ROBO2: variants seen among roughly 807,000 people sequenced by gnomAD.
ROBO2 encodes roundabout guidance receptor 2.
Under a neutral mutation model 160.8 loss-of-function variants are expected in ROBO2, and 53 were observed. The ratio of observed to expected loss-of-function variants is 0.33; its 90% CI spans 0.26 to 0.41. The LOEUF (loss-of-function observed/expected upper bound fraction) is 0.41. Ranked by LOEUF, ROBO2 falls within the 10% of genes least tolerant of loss-of-function variation. The pLI, the probability that ROBO2 is intolerant of heterozygous loss-of-function variation, is 1.00. For synonymous variants in ROBO2, 664 were observed against 611.7 expected (o/e 1.09, Z -1.26); for missense variants, 1,577 against 1,722.4 (o/e 0.92, Z 1.49).
intron 2 of ROBO2, among the ~76,000 whole-genome samples, chr3:76,449,694 A>G (rs2077378063): frequency 1.3e-5 from 2 of 152,138 alleles, no homozygotes; most frequent in African/African-American, 4.8e-5. Context: ...CTATGATATA[A>G]TCTTTAGACT....
intron 2 of ROBO2, among the ~76,000 whole-genome samples, chr3:77,450,754 G>A (rs2081032156): frequency 6.6e-6 from 1 of 152,156 alleles, no homozygotes. Flanking sequence ...TTCATAAGTC[G>A]AGGCAAGTTA....
At chr3:76,818,710 G>T (rs2065887959) in intron 2 of ROBO2, among the ~76,000 whole-genome samples, 1 of 152,040 alleles carries the variant, frequency 6.6e-6, no homozygotes, top group African/African-American at 2.4e-5. Flanking sequence ...TTGTTGAATA[G>T]GGTGTCCTTT....
At chr3:76,806,230 T>C (rs1189689047) in intron 2 of ROBO2, among the ~76,000 whole-genome samples, 1 of 151,590 alleles carries the variant, frequency 6.6e-6, no homozygotes, top group Non-Finnish European at 1.5e-5. Flanking sequence ...TGTGTGTGTG[T>C]GTGTGTGTGT....
intron 2 of ROBO2, among the ~76,000 whole-genome samples, chr3:77,199,534 T>A (rs956198505): frequency 2.0e-5 from 3 of 152,130 alleles, no homozygotes; most frequent in African/African-American, 7.2e-5. Context: ...CCAAAATGGT[T>A]GATGTCTTGT....
chr3:76,407,933 A>ATT (rs143970275), intron 2 of ROBO2, among the ~76,000 whole-genome samples: 16 of 150,962 alleles, frequency 1.1e-4, no homozygotes, highest in South Asian at 4.2e-4. Flanking sequence ...TTCTTTTGTG[A>ATT]TTTTTTTTTG....
At chr3:76,523,603 C>T (rs1434507632) in intron 2 of ROBO2, among the ~76,000 whole-genome samples, 1 of 152,076 alleles carries the variant, frequency 6.6e-6, no homozygotes, top group East Asian at 1.9e-4. Flanking sequence ...TTTTCACTCT[C>T]CAACACACCA....
chr3:76,425,284 A>G (rs2076166518), intron 2 of ROBO2, among the ~76,000 whole-genome samples: 1 of 152,048 alleles, frequency 6.6e-6, no homozygotes. Flanking sequence ...CTTAAAATAT[A>G]GGAGTGTATA....
intron 2 of ROBO2, among the ~76,000 whole-genome samples, chr3:76,388,922 AAACTTT>A (rs570831524): frequency 9.0e-4 from 137 of 152,282 alleles, no homozygotes; most frequent in African/African-American, 3.2e-3. Context: ...TTTCAATCTA[AAACTTT>A]AACTTTCTGT....
intron 2 of ROBO2, among the ~76,000 whole-genome samples, chr3:77,267,417 T>C (rs961980019): frequency 5.9e-5 from 9 of 152,294 alleles, no homozygotes; most frequent in African/African-American, 1.9e-4. Context: ...AAATGTTTCA[T>C]ATTCCCAGGT....
At chr3:75,959,312 A>T (rs1948826087) in intron 2 of ROBO2, among the ~76,000 whole-genome samples, 1 of 151,668 alleles carries the variant, frequency 6.6e-6, no homozygotes, top group South Asian at 2.1e-4. Flanking sequence ...ATTTTCACTG[A>T]ATTATTTAAT....
chr3:76,949,043 G>T (rs115616518), intron 2 of ROBO2, among the ~76,000 whole-genome samples: 2 of 149,198 alleles, frequency 1.3e-5, no homozygotes, highest in African/African-American at 2.5e-5. Context: ...GAGCCACCAC[G>T]CCTGGCCATA....
At chr3:77,263,593 T>A (rs1269870653) in intron 2 of ROBO2, among the ~76,000 whole-genome samples, 17 of 152,258 alleles carry the variant, frequency 1.1e-4, no homozygotes, top group Non-Finnish European at 2.5e-4. Context: ...TCGCGTTCTT[T>A]TATGGCTGCA....
At chr3:76,281,856 A>G (rs185751983) in intron 2 of ROBO2, among the ~76,000 whole-genome samples, 22 of 152,080 alleles carry the variant, frequency 1.4e-4, no homozygotes, top group African/African-American at 5.3e-4. Context: ...AGCACAAGGA[A>G]TTGTTTCTTA....
intron 2 of ROBO2, among the ~76,000 whole-genome samples, chr3:76,629,042 G>C (rs2089857434): frequency 6.6e-6 from 1 of 152,148 alleles, no homozygotes; most frequent in African/African-American, 2.4e-5. Context: ...CAATTGCACT[G>C]ACTGTGCCAT....
At chr3:76,110,200 T>A (rs1206521073) in intron 2 of ROBO2, among the ~76,000 whole-genome samples, 1 of 152,052 alleles carries the variant, frequency 6.6e-6, no homozygotes, top group Non-Finnish European at 1.5e-5. Flanking sequence ...CACAACACTT[T>A]GATCATAGTA....
intron 2 of ROBO2, among the ~76,000 whole-genome samples, chr3:76,288,276 G>C (rs956982269): frequency 1.3e-5 from 2 of 152,012 alleles, no homozygotes; most frequent in African/African-American, 4.8e-5. Context: ...ATTATTCTTA[G>C]GTTATTCTTG....
intron 2 of ROBO2, among the ~76,000 whole-genome samples, chr3:76,921,078 G>A (rs2076627766): frequency 6.6e-6 from 1 of 152,290 alleles, no homozygotes; most frequent in South Asian, 2.1e-4. Flanking sequence ...TTTTTAGTGA[G>A]TCCTTTCAAG....
intron 2 of ROBO2, among the ~76,000 whole-genome samples, chr3:75,967,226 C>A (rs62267174): frequency 0.27 from 41,056 of 151,344 alleles, 5,898 homozygotes; most frequent in East Asian, 0.41. Flanking sequence ...CAGGATGAGG[C>A]ACATGCCAGT....
At chr3:76,292,943 A>C (rs1362319117) in intron 2 of ROBO2, among the ~76,000 whole-genome samples, 1 of 151,422 alleles carries the variant, frequency 6.6e-6, no homozygotes, top group Non-Finnish European at 1.5e-5. Flanking sequence ...TCTGAATGTC[A>C]AATGTCAGAA....
Sources: allele counts gnomAD v4.1 joint callset (sites outside exome capture counted in the v4.1 genomes callset), GRCh38; gene constraint gnomAD v4.1.1; transcripts MANE v1.5; gene names NCBI Gene and HGNC (gene_info 2026-07-23, HGNC 2026-07-21).